HERC3: variants seen among roughly 807,000 people sequenced by gnomAD.
HERC3 encodes the protein probable E3 ubiquitin-protein ligase HERC3.
Under a neutral mutation model 129.9 loss-of-function variants are expected in HERC3, and 58 were observed. The observed-to-expected ratio is 0.45, with a 90% CI of 0.36 to 0.56. The LOEUF is 0.56. HERC3 is among the 20% of genes least tolerant of loss of function. The pLI is 0.00. For synonymous variants in HERC3, 430 were observed against 451.0 expected, an observed-to-expected ratio of 0.95 and a Z score of 0.59; for missense variants, 835 against 1,244.2, an observed-to-expected ratio of 0.67 and a Z score of 4.95.
At chr4:88,570,429 AC>A in the HERC3 span, among the ~76,000 whole-genome samples, 2 of 152,240 alleles carry the variant, frequency 1.3e-5, no homozygotes, top group Non-Finnish European at 2.9e-5. Context: ...TGCAATGACA[AC>A]TTTATTACAT....
At chr4:88,702,513 G>A (rs1453780923) in intron 23 of HERC3, among the ~76,000 whole-genome samples, 1 of 152,154 alleles carries the variant, frequency 6.6e-6, no homozygotes, top group Non-Finnish European at 1.5e-5. Flanking sequence ...TTTTCACTCA[G>A]CATTGTTCTT....
intron 23 of HERC3, among the ~76,000 whole-genome samples, chr4:88,698,481 G>A (rs1734911212): frequency 6.6e-6 from 1 of 152,060 alleles, no homozygotes; most frequent in South Asian, 2.1e-4. Flanking sequence ...GGAAATCTCA[G>A]AGCTCCCGGT....
At chr4:88,682,898 A>G (rs1732962966) in intron 21 of HERC3, among the ~76,000 whole-genome samples, 1 of 152,130 alleles carries the variant, frequency 6.6e-6, no homozygotes, top group African/African-American at 2.4e-5. Flanking sequence ...GAATCGCCAC[A>G]CTGACTTCCA....
chr4:88,570,599 T>C, the HERC3 span, among the ~76,000 whole-genome samples: 8,145 of 152,180 alleles, frequency 0.054, 304 homozygotes, highest in Middle Eastern at 0.15. Context: ...TACACAGTAG[T>C]GATTAGTCCA....
At chr4:88,544,987 G>T in the HERC3 span, among the ~76,000 whole-genome samples, 7 of 152,064 alleles carry the variant, frequency 4.6e-5, no homozygotes, top group Non-Finnish European at 1.0e-4. Flanking sequence ...CCAACATGGC[G>T]CATGTATACC....
At chr4:88,592,611 G>C (rs1248446655) in intron 1 of HERC3, 37 bp downstream of exon 1, 1 of 152,328 alleles carries the variant, frequency 6.6e-6, no homozygotes, top group African/African-American at 2.4e-5. Context: ...AGGGAGGGGG[G>C]TACGGCGGAG....
At chr4:88,611,322 T>G (rs1197647155) in intron 3 of HERC3, among the ~76,000 whole-genome samples, 1 of 152,198 alleles carries the variant, frequency 6.6e-6, no homozygotes, top group Non-Finnish European at 1.5e-5. Context: ...TTTTCTGTGT[T>G]TGCTTATTGA....
chr4:88,693,410 G>A (rs1195054158), intron 23 of HERC3: 1 of 973,602 alleles, frequency 1.0e-6, no homozygotes, highest in Non-Finnish European at 1.2e-6. Context: ...ATTTCATCCA[G>A]TCCTTAGAAA....
rs765044735 is a variant in HERC3, at chr4:88,707,407, C to T, written c.*447C>T. The T allele has an allele frequency of 6.2e-5, 10 of 161,560 alleles. No homozygotes were observed. The highest frequency in any genetic ancestry group is 1.1e-4 in the Non-Finnish European group (8 of 73,346). The allele number at this position is 161,560 out of a possible 1,614,324, so 10.0% of individuals were successfully genotyped here. A position where few individuals can be genotyped will look rare whatever the true frequency, so the allele number is the denominator to read the frequency against. On this transcript the variant is annotated 3_prime_UTR_variant, in exon 26 of 26. Transcript: ENST00000402738. ...ACCTGTCCTTTTTTATCTGCGCATG[C>T]GAGAACATCACCTTCCTCTGTACAC... is the stretch of plus-strand genomic sequence containing the variant.
Position 88,645,852 on chromosome 4 carries a change from G to A in HERC3, c.227-3988G>A, listed in dbSNP as rs1328098660. Among the ~76,000 whole-genome samples, 3 of 152,160 alleles carry A rather than the reference G, an allele frequency of 2.0e-5. No individual in the cohort carries two copies. The East Asian group carries it at 5.8e-4, about 29-fold the overall frequency. ...CTCTGGAAAGCAAAACCTCAGATAA[G>A]GGGGAACTACTGTCCTTTCTACCCA... On this transcript the variant is annotated intron_variant, in intron 3 of 25. Transcript: ENST00000402738.
chr4:88,646,634 G>A (rs945148414), intron 3 of HERC3, among the ~76,000 whole-genome samples: 6 of 152,174 alleles, frequency 3.9e-5, no homozygotes, highest in Non-Finnish European at 8.8e-5. Flanking sequence ...GAGACTGCAT[G>A]TGAAAATGAA....
At chr4:88,686,483 G>T (rs1733477088) in intron 21 of HERC3, among the ~76,000 whole-genome samples, 1 of 152,150 alleles carries the variant, frequency 6.6e-6, no homozygotes, top group Admixed American at 6.5e-5. Context: ...AAATCCATCT[G>T]ATTTTCTTTT....
At position 88,655,081 on chromosome 4, in the gene HERC3, G is replaced by A. The variant is rs73841606; in HGVS notation, c.778-93G>A. 804 of 1,310,474 alleles carry A rather than the reference G, an allele frequency of 6.1e-4. 7 individuals are homozygous for A. In the African/African-American group the frequency reaches 9.9e-3, roughly 16 times the overall value. The allele number at this position is 1,310,474 out of a possible 1,614,324, so 81.2% of individuals were successfully genotyped here. On this transcript the variant is annotated intron_variant, in intron 7 of 25. Transcript: ENST00000402738. The stretch of plus-strand genomic sequence containing the variant: ...AGTGTCAAGTGAATGTAGTGCTCTT[G>A]TGCACATTGTTGTGATAGGCATTTT...
the HERC3 span, among the ~76,000 whole-genome samples, chr4:88,561,015 T>G: frequency 6.6e-6 from 1 of 152,210 alleles, no homozygotes; most frequent in South Asian, 2.1e-4. Context: ...TAACAGAAAG[T>G]ATAATGCCTC....
chr4:88,585,913 A>AT, the HERC3 span, among the ~76,000 whole-genome samples: 1 of 152,186 alleles, frequency 6.6e-6, no homozygotes, highest in Non-Finnish European at 1.5e-5. Context: ...AATAAGAAAG[A>AT]TTTTTTAAAA....
At chr4:88,620,877 C>T (rs4604023) in intron 3 of HERC3, among the ~76,000 whole-genome samples, 14,657 of 152,092 alleles carry the variant, frequency 0.096, 1,070 homozygotes, top group South Asian at 0.23. Context: ...GTCTCTGCTC[C>T]CATGGCACCT....
In HERC3 at chr4:88,606,606, G is replaced by C. The variant is rs140934570; in HGVS notation, c.226+557G>C. ...AGGTTTATTGGGTTTACAGTTCCAC[G>C]TGGCTGGGGAGGCCTCACAATCATG... On this transcript the variant is annotated intron_variant, in intron 3 of 25. Transcript: ENST00000402738. 9.0e-3 allele frequency among the ~76,000 whole-genome samples: 1,364 copies of C among 152,240 alleles called. 19 individuals carry two copies. Among genetic ancestry groups the C allele is most frequent in the African/African-American group, 0.031 (1,271 of 41,544 alleles).
At chr4:88,531,438 CT>C in the HERC3 span, among the ~76,000 whole-genome samples, 1 of 152,104 alleles carries the variant, frequency 6.6e-6, no homozygotes, top group South Asian at 2.1e-4. Flanking sequence ...TAAGCGTTCA[CT>C]AAAACTATAA....
At chr4:88,548,737 G>A in the HERC3 span, among the ~76,000 whole-genome samples, 1 of 150,052 alleles carries the variant, frequency 6.7e-6, no homozygotes, top group South Asian at 2.1e-4. Flanking sequence ...CTCGGCTCAT[G>A]GCAACCTCTG....
Sources: gnomAD v4.1 joint callset for allele counts (sites outside exome capture counted in the v4.1 genomes callset) on GRCh38, gnomAD v4.1.1 for gene constraint, MANE v1.5 for transcripts, NCBI Gene and HGNC (gene_info 2026-07-23, HGNC 2026-07-21) for gene names.